Variants in BLCAP observed in about 807,000 individuals in gnomAD.
BLCAP encodes BLCAP apoptosis inducing factor, also known as apoptosis inducing factor BLCAP.
A neutral mutation model predicts 5.7 loss-of-function variants in BLCAP; 1 was observed. The observed-to-expected ratio is 0.18, with a 90% CI of 0.06 to 0.83. The LOEUF (loss-of-function observed/expected upper bound fraction) is 0.83, where lower values mean the gene tolerates loss of function less well. Ranked by LOEUF, BLCAP falls within the 40% of genes least tolerant of loss-of-function variation. The pLI is 0.71. For synonymous variants in BLCAP, 48 were observed against 49.4 expected (o/e 0.97, Z 0.11); for missense variants, 66 against 107.6 (o/e 0.61, Z 1.71).
chr20:37,521,117 A>G lies in BLCAP; in HGVS notation c.-176-1767T>C. On this transcript the variant is annotated intron_variant, in intron 1 of 1. Coordinates refer to ENST00000373537, the MANE Select transcript of BLCAP (RefSeq NM_006698.4). This position sits in a 1 kb window ranked among gnomAD's most constrained non-coding sequence, Gnocchi z 4.5. ...GCGGGGGTCGGTATGGAAAGAGCAG[A>G]TGGATTATTTTTTTCCTCTCCTGGC... 1.6e-6 allele frequency: 1 copy of G among 609,278 alleles called. No individual in the cohort carries two copies. The highest frequency in any genetic ancestry group is 2.9e-6 in the Non-Finnish European group (1 of 339,728). The allele number at this position is 609,278 out of a possible 1,614,324, so 37.7% of individuals were successfully genotyped here.
chr20:37,518,621 A>AT lies in BLCAP; in HGVS notation c.*289_*290insA. On this transcript the variant is annotated 3_prime_UTR_variant, in exon 2 of 2. Transcript: ENST00000373537. The stretch of plus-strand genomic sequence containing the variant: ...GGGCAGCTGACCAGGATGGACCCAG[A>AT]CTCCTCACAGTAATGAGGCGAGAGG... 2.5e-6 allele frequency: 1 copy of AT among 401,976 alleles called. No individual in the cohort carries two copies. The highest frequency in any genetic ancestry group is 4.1e-5 in the Admixed American group (1 of 24,334). 24.9% of individuals were successfully genotyped at this position (401,976 alleles called of 1,614,324 possible). A position where few individuals can be genotyped will look rare whatever the true frequency, so the allele number is the denominator to read the frequency against.
chr20:37,521,119 GGATT>G lies in BLCAP; in HGVS notation c.-176-1773_-176-1770del. 1.6e-6 allele frequency: 1 copy of G among 613,744 alleles called. No individual in the cohort carries two copies. The highest frequency in any genetic ancestry group is 2.9e-6 in the Non-Finnish European group (1 of 342,280). 38.0% of individuals were successfully genotyped at this position (613,744 alleles called of 1,614,324 possible). A position where few individuals can be genotyped will look rare whatever the true frequency, so the allele number is the denominator to read the frequency against. On this transcript the variant is annotated intron_variant, in intron 1 of 1. Coordinates refer to ENST00000373537, the MANE Select transcript of BLCAP (RefSeq NM_006698.4). This position sits in a 1 kb window ranked among gnomAD's most constrained non-coding sequence, Gnocchi z 4.5. ...GGGGGTCGGTATGGAAAGAGCAGATGGATTATTTTTTTCCTCTCCTGGCGAATGA... is the reference window on the plus strand; with the variant it reads ...GGGGGTCGGTATGGAAAGAGCAGATGATTTTTTTCCTCTCCTGGCGAATGA...
At chr20:37,519,967 G>A (rs559660146) in intron 1 of BLCAP, among the ~76,000 whole-genome samples, 1 of 152,364 alleles carries the variant, frequency 6.6e-6, no homozygotes, top group Non-Finnish European at 1.5e-5. Flanking sequence ...TTTTCAAACA[G>A]CCCAGCGTCA....
Position 37,518,629 on chromosome 20 carries a change from C to T in BLCAP, c.*282G>A, listed in dbSNP as rs1203431899. ...GACCAGGATGGACCCAGACTCCTCA[C>T]AGTAATGAGGCGAGAGGGGTGGTCA... On this transcript the variant is annotated 3_prime_UTR_variant, in exon 2 of 2. Coordinates refer to ENST00000373537, the MANE Select transcript of BLCAP (RefSeq NM_006698.4). 3 of 429,988 alleles carry T rather than the reference C, an allele frequency of 7.0e-6. No individual in the cohort carries two copies. 26.6% of individuals were successfully genotyped at this position (429,988 alleles called of 1,614,324 possible). A position where few individuals can be genotyped will look rare whatever the true frequency, so the allele number is the denominator to read the frequency against.
At position 37,517,782 on chromosome 20, in the gene BLCAP, G is replaced by C. The variant is rs2071432158; in HGVS notation, c.*1129C>G. Reference sequence around the variant, plus strand: ...TATGCGCAGGAACGAAGAAGCTCCTGGCGGGAGGATGATGGCCACTGCTCC... The same window carrying C: ...TATGCGCAGGAACGAAGAAGCTCCTCGCGGGAGGATGATGGCCACTGCTCC... On this transcript the variant is annotated 3_prime_UTR_variant, in exon 2 of 2. Transcript: ENST00000373537. 6.5e-6 allele frequency: 1 copy of C among 152,694 alleles called. No homozygotes were observed. The highest frequency in any genetic ancestry group is 2.4e-5 in the African/African-American group (1 of 41,452). The allele number at this position is 152,694 out of a possible 1,614,324, so 9.5% of individuals were successfully genotyped here.
intron 1 of BLCAP, among the ~76,000 whole-genome samples, chr20:37,524,133 A>G (rs1441406236): frequency 6.6e-6 from 1 of 152,220 alleles, no homozygotes; most frequent in Non-Finnish European, 1.5e-5. Flanking sequence ...CAAAGAAATG[A>G]GTAGTGGGCA....
chr20:37,522,069 A>G (rs1262219031), intron 1 of BLCAP, among the ~76,000 whole-genome samples: 5 of 151,620 alleles, frequency 3.3e-5, no homozygotes, highest in African/African-American at 1.2e-4. Flanking sequence ...AGCTAACGGA[A>G]AAAAATGGAT....
chr20:37,518,720 G>T lies in BLCAP; in HGVS notation c.*191C>A, dbSNP rs1447941124. On this transcript the variant is annotated 3_prime_UTR_variant, in exon 2 of 2. Coordinates refer to ENST00000373537, the MANE Select transcript of BLCAP (RefSeq NM_006698.4). ...ACCACAAGACCACCCACGACTATAG[G>T]ACTTTACAATAAAAGCACCGGTCAG... 6.1e-6 allele frequency: 5 copies of T among 814,802 alleles called. No individual in the cohort carries two copies. Among genetic ancestry groups the T allele is most frequent in the Non-Finnish European group, 7.5e-6 (4 of 531,726 alleles). 50.5% of individuals were successfully genotyped at this position (814,802 alleles called of 1,614,324 possible). A position where few individuals can be genotyped will look rare whatever the true frequency, so the allele number is the denominator to read the frequency against.
chr20:37,525,545 C>A (rs975875605), intron 1 of BLCAP, among the ~76,000 whole-genome samples: 2 of 152,218 alleles, frequency 1.3e-5, no homozygotes, highest in Non-Finnish European at 2.9e-5. Context: ...TGCACCTGCA[C>A]GTGTGGGCTT....
Position 37,521,380 on chromosome 20 carries a change from T to C in BLCAP, c.-176-2030A>G. ...GGCTGAACTGCTCATCATCGGCTGG[T>C]ACATCTTCCGCGTGCTGCTGCAGGT... On this transcript the variant is annotated intron_variant, in intron 1 of 1. Transcript: ENST00000373537. This position sits in a 1 kb window ranked among gnomAD's most constrained non-coding sequence, Gnocchi z 4.5. 6.2e-7 allele frequency: 1 copy of C among 1,613,046 alleles called. No homozygotes were observed. Among genetic ancestry groups the C allele is most frequent in the African/African-American group, 1.3e-5 (1 of 75,016 alleles).
rs547832793 is a variant in BLCAP, at chr20:37,518,823, C to T, written c.*88G>A. ...CAGGAATGTGACACCCGCGAGGCTG[C>T]GGGATTTGAAACTCCAATGCTTTAT... On this transcript the variant is annotated 3_prime_UTR_variant, in exon 2 of 2. Transcript: ENST00000373537. 5.2e-6 allele frequency: 8 copies of T among 1,524,484 alleles called. No individual in the cohort carries two copies. Among genetic ancestry groups the T allele is most frequent in the African/African-American group, 1.4e-5 (1 of 72,366 alleles). 94.4% of individuals were successfully genotyped at this position (1,524,484 alleles called of 1,614,324 possible).
chr20:37,522,697 T>G, intron 1 of BLCAP: 1 of 1,612,404 alleles, frequency 6.2e-7, no homozygotes, highest in Non-Finnish European at 8.5e-7. Context: ...GAAGCTGGCA[T>G]ACACGGTGTC....
intron 1 of BLCAP, chr20:37,522,538 C>A: frequency 7.3e-7 from 1 of 1,360,610 alleles, no homozygotes. Flanking sequence ...GCTGCGCCCG[C>A]GCCCGCCTCT....
rs78776669 is a variant in BLCAP at position 37,522,275 on chromosome 20, C to A, written c.-176-2925G>T. The A allele has an allele frequency of 1.5e-3, 1,658 of 1,096,056 alleles. 30 individuals carry two copies. The East Asian group carries it at 0.034, about 22-fold the overall frequency. 67.9% of individuals were successfully genotyped at this position (1,096,056 alleles called of 1,614,324 possible). A position where few individuals can be genotyped will look rare whatever the true frequency, so the allele number is the denominator to read the frequency against. Reference sequence around the variant, plus strand: ...GAAGAAAGCGCTTTGCCCATAAAATCATTTACCCTAAAAGCTCCCTTTGCA... The same window carrying A: ...GAAGAAAGCGCTTTGCCCATAAAATAATTTACCCTAAAAGCTCCCTTTGCA... On this transcript the variant is annotated intron_variant, in intron 1 of 1. Transcript: ENST00000373537.
In BLCAP at chr20:37,521,905, CAAA is replaced by C. The variant is rs113961648; in HGVS notation, c.-176-2558_-176-2556del. On this transcript the variant is annotated intron_variant, in intron 1 of 1. Transcript: ENST00000373537. This position sits in a 1 kb window ranked among gnomAD's most constrained non-coding sequence, Gnocchi z 4.5. ...CTCAGAAAAAATAAAAATTACTTCG[CAAA>C]AAAAAAAAACCCTACAACGAATTAG... Among the ~76,000 whole-genome samples the C allele has an allele frequency of 9.1e-6, 1 of 110,324 alleles. No homozygotes were observed. Among genetic ancestry groups the C allele is most frequent in the African/African-American group, 3.3e-5 (1 of 30,026 alleles). 72.4% of individuals were successfully genotyped at this position (110,324 alleles called of 152,430 possible).
chr20:37,522,611 A>G, intron 1 of BLCAP: 1 of 1,513,960 alleles, frequency 6.6e-7, no homozygotes, highest in Non-Finnish European at 9.0e-7. Context: ...CGGCAGCACC[A>G]CAGACATGCT....
At position 37,521,183 on chromosome 20, in the gene BLCAP, C is replaced by T. The variant is rs959242390; in HGVS notation, c.-176-1833G>A. 2 of 767,824 alleles carry T rather than the reference C, an allele frequency of 2.6e-6. No individual in the cohort carries two copies. Among genetic ancestry groups the T allele is most frequent in the Non-Finnish European group, 4.5e-6 (2 of 441,230 alleles). The allele number at this position is 767,824 out of a possible 1,614,324, so 47.6% of individuals were successfully genotyped here. Reference sequence around the variant, plus strand: ...CCAGCCACCCCTCCTCATAAACACCCCCCAAGGCGCGCATGCGCACTTAGG... The same window carrying T: ...CCAGCCACCCCTCCTCATAAACACCTCCCAAGGCGCGCATGCGCACTTAGG... On this transcript the variant is annotated intron_variant, in intron 1 of 1. Coordinates refer to ENST00000373537, the MANE Select transcript of BLCAP (RefSeq NM_006698.4). This position sits in a 1 kb window ranked among gnomAD's most constrained non-coding sequence, Gnocchi z 4.5.
Position 37,521,829 on chromosome 20 carries a change from CAT to C in BLCAP, c.-176-2481_-176-2480del, listed in dbSNP as rs1452425308. ...TGCGGAGAAATTTTATTTAAAAAAA[CAT>C]ATAGCGCTTGCGGGGGTGGAACAAA... On this transcript the variant is annotated intron_variant, in intron 1 of 1. Transcript: ENST00000373537. This position sits in a 1 kb window ranked among gnomAD's most constrained non-coding sequence, Gnocchi z 4.5. 1.3e-5 allele frequency: 2 copies of C among 159,878 alleles called. No homozygotes were observed. Among genetic ancestry groups the C allele is most frequent in the Admixed American group, 1.3e-4 (2 of 15,394 alleles). The allele number at this position is 159,878 out of a possible 1,614,324, so 9.9% of individuals were successfully genotyped here.
intron 1 of BLCAP, among the ~76,000 whole-genome samples, chr20:37,527,357 A>T (rs879594367): frequency 2.7e-5 from 1 of 36,830 alleles, no homozygotes; most frequent in African/African-American, 9.8e-5. Context: ...ACGTCCCCCC[A>T]CCTCCCCCCC....
Sources: gnomAD v4.1 joint callset for allele counts (sites outside exome capture counted in the v4.1 genomes callset) on GRCh38, gnomAD v4.1.1 for gene constraint, Gnocchi (gnomAD v3.1) non-coding constraint, MANE v1.5 for transcripts, NCBI Gene and HGNC (gene_info 2026-07-23, HGNC 2026-07-21) for gene names.